The following WLS variants were observed in gnomAD, a reference collection of about 807,000 sequenced individuals.
The protein encoded by WLS is protein wntless homolog.
A neutral mutation model predicts 62.8 loss-of-function variants in WLS; 23 were observed. That is an observed-to-expected ratio of 0.37 (90% CI 0.26 to 0.52). WLS has a LOEUF of 0.52. Ranked by LOEUF, WLS falls within the 20% of genes least tolerant of loss-of-function variation. WLS has a pLI of 0.92. For missense variants in WLS, 615 were observed against 697.3 expected (o/e 0.88, Z 1.33); for synonymous variants, 246 against 244.1 (o/e 1.01, Z -0.07).
intron 10 of WLS, among the ~76,000 whole-genome samples, chr1:68,144,229 T>C (rs940069533): frequency 2.6e-5 from 4 of 152,240 alleles, no homozygotes; most frequent in African/African-American, 9.6e-5. Context: ...TAAGGATCTA[T>C]GTTAATGCTA....
chr1:68,110,823 A>T (rs1447771064), intron 11 of WLS, among the ~76,000 whole-genome samples: 3 of 152,110 alleles, frequency 2.0e-5, no homozygotes, highest in Non-Finnish European at 2.9e-5. Context: ...AATGGTGCTG[A>T]GAGCATTAGT....
intron 6 of WLS, 103 bp from the exon 7 acceptor site, chr1:68,148,763 G>A: frequency 2.0e-6 from 2 of 998,468 alleles, no homozygotes; most frequent in East Asian, 5.3e-5. Context: ...CACCTATTGT[G>A]TATCAAGCAC....
At position 68,155,180 on chromosome 1, in the gene WLS, G is replaced by A. The variant is rs538487476; in HGVS notation, c.585C>T (p.Tyr195=). The A allele has an allele frequency of 1.2e-6, 2 of 1,613,890 alleles. No homozygotes were observed. The highest frequency in any genetic ancestry group is 1.1e-5 in the South Asian group (1 of 91,032). ...TCACAGGCAGCCGGATGTTTAAAAGGTAAAACTTATGGGCCACAGACCCAA... is the reference window on the plus strand; with the variant it reads ...TCACAGGCAGCCGGATGTTTAAAAGATAAAACTTATGGGCCACAGACCCAA... ...MEIGSVAHKF[Y]LLNIRLPVNE... The change falls in exon 4 of 12, where the codon TAC becomes TAT. Residue 195 remains tyrosine, a synonymous_variant. Coordinates refer to ENST00000262348, the MANE Select transcript of WLS (RefSeq NM_024911.7).
chr1:68,101,257 C>G (rs371173920), intron 11 of WLS, among the ~76,000 whole-genome samples: 1 of 152,150 alleles, frequency 6.6e-6, no homozygotes. Context: ...TACAAAGCAC[C>G]TAGCACCATG....
rs1028109356 is a variant in WLS at position 68,126,095 on chromosome 1, C to T, written c.*131G>A. On this transcript the variant is annotated 3_prime_UTR_variant, in exon 12 of 12. Transcript: ENST00000262348. The stretch of plus-strand genomic sequence containing the variant: ...GGCAAACTGACAAATGTCCATGCCG[C>T]TGGTCCAAGAAACCACAGCTAAGAG... The T allele has an allele frequency of 1.7e-5, 25 of 1,457,674 alleles. No individual in the cohort carries two copies. The African/African-American group carries it at 2.3e-4, about 13-fold the overall frequency. 90.3% of individuals were successfully genotyped at this position (1,457,674 alleles called of 1,614,324 possible). A position where few individuals can be genotyped will look rare whatever the true frequency, so the allele number is the denominator to read the frequency against.
chr1:68,157,858 T>C (rs2100493538), intron 3 of WLS, among the ~76,000 whole-genome samples: 1 of 152,336 alleles, frequency 6.6e-6, no homozygotes, highest in Non-Finnish European at 1.5e-5. Flanking sequence ...TTTTCCCTTT[T>C]CTATGGATAA....
chr1:68,110,924 CAA>C (rs1199095551), intron 11 of WLS, among the ~76,000 whole-genome samples: 1 of 151,842 alleles, frequency 6.6e-6, no homozygotes, highest in Non-Finnish European at 1.5e-5. Context: ...ATATGGAAGG[CAA>C]AGTCTTAAAA....
In WLS at chr1:68,155,249, A is replaced by C; in HGVS notation, c.516T>G (p.His172Gln). 6.2e-7 allele frequency: 1 copy of C among 1,613,170 alleles called. No homozygotes were observed. Among genetic ancestry groups the C allele is most frequent in the African/African-American group, 1.3e-5 (1 of 75,002 alleles). Residue 172 changes from histidine to glutamine, a missense_variant, in exon 4 of 12, where the codon CAT becomes CAG. Coordinates refer to ENST00000262348, the MANE Select transcript of WLS (RefSeq NM_024911.7). The part of the protein sequence containing the change: ...CTFTSPKTPE[H>Q]EGRYYECDVL... ...CATCACATTCATAGTAACGGCCCTC[A>C]TGCTCTGGAGTCTGGAAAAAGAGCA...
At chr1:68,214,372 T>C (rs1170573560) in intron 1 of WLS, among the ~76,000 whole-genome samples, 1 of 50,554 alleles carries the variant, frequency 2.0e-5, no homozygotes, top group African/African-American at 4.9e-5. Context: ...ACTTACTCCT[T>C]TTTTTTTTTT....
intron 1 of WLS, among the ~76,000 whole-genome samples, chr1:68,206,514 G>A (rs1208492715): frequency 6.6e-6 from 1 of 152,162 alleles, no homozygotes; most frequent in African/African-American, 2.4e-5. Flanking sequence ...GGGTAGGGAT[G>A]GAAAGGTGAC....
chr1:68,131,438 G>A (rs7552304), intron 11 of WLS, among the ~76,000 whole-genome samples: 40,146 of 151,590 alleles, frequency 0.26, 5,453 homozygotes, highest in East Asian at 0.39. Flanking sequence ...CAGCTTTGAG[G>A]ATCCCTTCTG....
chr1:68,221,653 A>C (rs1649946371), intron 1 of WLS, among the ~76,000 whole-genome samples: 1 of 152,260 alleles, frequency 6.6e-6, no homozygotes, highest in Non-Finnish European at 1.5e-5. Flanking sequence ...CCTGGAAAGA[A>C]GGCTGGAATT....
At chr1:68,177,416 G>A (rs1307546010) in intron 2 of WLS, among the ~76,000 whole-genome samples, 1 of 152,208 alleles carries the variant, frequency 6.6e-6, no homozygotes, top group Non-Finnish European at 1.5e-5. Context: ...CATGGACGGG[G>A]TCCTTTTTCT....
intron 2 of WLS, among the ~76,000 whole-genome samples, chr1:68,183,288 T>A (rs913857290): frequency 1.2e-4 from 19 of 152,108 alleles, no homozygotes; most frequent in Non-Finnish European, 2.9e-5. Flanking sequence ...GTGGGAGTAG[T>A]AGTAGGGGTG....
Position 68,194,110 on chromosome 1 carries a change from C to T in WLS, c.224G>A (p.Arg75Gln), listed in dbSNP as rs762333679. The T allele has an allele frequency of 1.9e-6, 3 of 1,614,010 alleles. No individual in the cohort carries two copies. The highest frequency in any genetic ancestry group is 2.5e-6 in the Non-Finnish European group (3 of 1,180,038). The change falls in exon 2 of 12, where the codon CGA (arginine) becomes CAA (glutamine). Residue 75 changes from arginine to glutamine, a missense_variant. Transcript: ENST00000262348. ...PWGPNHCDKI[R>Q]DIEEAIPREI... ...CCTTGGAATTGCCTCTTCAATGTCT[C>T]GGATCTTGTCACAATGATTGGGTCC...
At chr1:68,212,529 G>A (rs945045611) in intron 1 of WLS, among the ~76,000 whole-genome samples, 3 of 152,186 alleles carry the variant, frequency 2.0e-5, no homozygotes, top group Non-Finnish European at 2.9e-5. Flanking sequence ...GAAGATTTTA[G>A]TTCCAACACT....
intron 2 of WLS, chr1:68,183,627 T>C (rs981578635): frequency 2.2e-6 from 1 of 447,860 alleles, no homozygotes; most frequent in Non-Finnish European, 4.5e-6. Flanking sequence ...AGGGGTGAAT[T>C]TGTAGAAGGA....
intron 10 of WLS, among the ~76,000 whole-genome samples, chr1:68,140,357 A>G (rs1326506539): frequency 6.6e-6 from 1 of 152,242 alleles, no homozygotes; most frequent in Non-Finnish European, 1.5e-5. Flanking sequence ...GGCAACGACT[A>G]TGTAAGGTCA....
At chr1:68,099,881 G>C (rs907575193) in intron 11 of WLS, 3 of 151,758 alleles carry the variant, frequency 2.0e-5, no homozygotes, top group Non-Finnish European at 2.9e-5. Context: ...ATCACCACAT[G>C]CTTCTGTCTT....
Sources: gnomAD v4.1 joint callset for allele counts (sites outside exome capture counted in the v4.1 genomes callset) on GRCh38, gnomAD v4.1.1 for gene constraint, MANE v1.5 for transcripts, NCBI Gene and HGNC (gene_info 2026-07-23, HGNC 2026-07-21) for gene names.